Variants in SGCD observed in about 807,000 individuals in gnomAD.
The protein encoded by SGCD is sarcoglycan delta.
In SGCD, 18 loss-of-function variants were observed where a neutral mutation model predicts 36.6. The ratio of observed to expected loss-of-function variants is 0.49; its 90% CI spans 0.34 to 0.73. SGCD has a LOEUF of 0.73. Among genes scored for constraint, SGCD ranks in the 30% least tolerant of loss-of-function variants. SGCD has a pLI of 0.01. For missense variants in SGCD, 387 were observed against 346.7 expected (o/e 1.12, Z -0.92); for synonymous variants, 133 against 130.6 (o/e 1.02, Z -0.12).
At chr5:155,864,418 C>T in the SGCD span, among the ~76,000 whole-genome samples, 1 of 151,874 alleles carries the variant, frequency 6.6e-6, no homozygotes, top group Non-Finnish European at 1.5e-5. Context: ...CAAAGGGTGA[C>T]ATCGGTGGAG....
chr5:156,373,342 A>G (rs1262762442), intron 3 of SGCD, among the ~76,000 whole-genome samples: 1 of 152,196 alleles, frequency 6.6e-6, no homozygotes, highest in Non-Finnish European at 1.5e-5. Flanking sequence ...AGTCAATGCT[A>G]ATTTTAGTTT....
intron 7 of SGCD, among the ~76,000 whole-genome samples, chr5:156,699,837 C>T (rs1295907046): frequency 6.6e-6 from 1 of 152,124 alleles, no homozygotes; most frequent in Non-Finnish European, 1.5e-5. Context: ...TTCAAGTGTA[C>T]TTTGATGGGT....
At chr5:155,741,651 C>T in the SGCD span, among the ~76,000 whole-genome samples, 2,201 of 151,434 alleles carry the variant, frequency 0.015, 231 homozygotes, top group Admixed American at 0.14. Flanking sequence ...CCCATCATGG[C>T]CTGAAGTAGG....
At chr5:156,598,599 TA>T (rs1761035599) in intron 6 of SGCD, among the ~76,000 whole-genome samples, 1 of 151,654 alleles carries the variant, frequency 6.6e-6, no homozygotes, top group African/African-American at 2.4e-5. Context: ...CAAAAATGCC[TA>T]GGGGAAAAAG....
chr5:156,719,575 G>T (rs1024628377), intron 7 of SGCD, among the ~76,000 whole-genome samples: 2 of 151,954 alleles, frequency 1.3e-5, no homozygotes, highest in Admixed American at 6.6e-5. Flanking sequence ...ATTATTTTTC[G>T]AGTGGACATA....
At chr5:156,185,212 C>CTTTTTTTTTTT (rs755578762) in intron 3 of SGCD, among the ~76,000 whole-genome samples, 5 of 113,230 alleles carry the variant, frequency 4.4e-5, no homozygotes, top group Non-Finnish European at 7.2e-5. Flanking sequence ...CTTTAATTTT[C>CTTTTTTTTTTT]TTTTTTTTTT....
intron 6 of SGCD, among the ~76,000 whole-genome samples, chr5:156,599,716 G>A (rs1175838289): frequency 2.6e-5 from 4 of 152,238 alleles, no homozygotes; most frequent in African/African-American, 4.8e-5. Context: ...AATGTAGGTA[G>A]GCTGTAGTCA....
At chr5:156,387,095 A>G (rs1028252156) in intron 3 of SGCD, among the ~76,000 whole-genome samples, 5 of 152,166 alleles carry the variant, frequency 3.3e-5, no homozygotes, top group Admixed American at 2.6e-4. Context: ...GCCTTGGGGA[A>G]TGAGTTTGCC....
chr5:155,975,609 C>CTTTTTTTTTTT lies in SGCD; in HGVS notation c.-282+105212_-282+105222dup, dbSNP rs763067309. ...TGTGTTATTTATTTTTCTTTCTTTC[C>CTTTTTTTTTTT]TTTTTTTTTTTTTTTTTTTTTTTTT... On this transcript the variant is annotated intron_variant, in intron 1 of 9. Transcript: ENST00000517913. 6.8e-4 allele frequency among the ~76,000 whole-genome samples: 19 copies of CTTTTTTTTTTT among 28,026 alleles called. 7 individuals are homozygous for CTTTTTTTTTTT. Among genetic ancestry groups the CTTTTTTTTTTT allele is most frequent in the Admixed American group, 3.6e-3 (6 of 1,688 alleles). The allele number at this position is 28,026 out of a possible 152,430, so 18.4% of individuals were successfully genotyped here. A position where few individuals can be genotyped will look rare whatever the true frequency, so the allele number is the denominator to read the frequency against.
At chr5:155,768,614 T>C in the SGCD span, among the ~76,000 whole-genome samples, 3 of 152,126 alleles carry the variant, frequency 2.0e-5, no homozygotes, top group African/African-American at 7.2e-5. Flanking sequence ...GTGCTGGGGC[T>C]AAATCAGAAA....
At chr5:156,563,017 G>A (rs1230412948) in intron 4 of SGCD, among the ~76,000 whole-genome samples, 1 of 151,876 alleles carries the variant, frequency 6.6e-6, no homozygotes, top group East Asian at 1.9e-4. Flanking sequence ...TGCTCTTGTT[G>A]CCCAGGTTGG....
intron 3 of SGCD, among the ~76,000 whole-genome samples, chr5:156,261,899 A>C (rs1032163140): frequency 2.0e-5 from 3 of 152,238 alleles, no homozygotes; most frequent in Non-Finnish European, 4.4e-5. Flanking sequence ...TAAAAACAAA[A>C]GCTTACAGAG....
At chr5:156,357,194 A>G (rs1274892658) in intron 3 of SGCD, among the ~76,000 whole-genome samples, 1 of 152,136 alleles carries the variant, frequency 6.6e-6, no homozygotes, top group Non-Finnish European at 1.5e-5. Context: ...GAACAATGTT[A>G]AGTGCCTGGC....
chr5:155,889,115 T>C (rs1756069272), intron 1 of SGCD, among the ~76,000 whole-genome samples: 1 of 152,186 alleles, frequency 6.6e-6, no homozygotes, highest in Admixed American at 6.5e-5. Flanking sequence ...AGACTGTGAG[T>C]TCTTGGAGAG....
the SGCD span, among the ~76,000 whole-genome samples, chr5:155,830,326 T>C: frequency 7.0e-6 from 1 of 143,720 alleles, no homozygotes; most frequent in Non-Finnish European, 1.5e-5. Flanking sequence ...TCTTTCTCCG[T>C]GTGTATACAC....
chr5:156,019,604 A>T lies in SGCD; in HGVS notation c.-281-98274A>T, dbSNP rs997522817. Among the ~76,000 whole-genome samples the T allele has an allele frequency of 3.9e-5, 6 of 152,174 alleles. No individual in the cohort carries two copies. The South Asian group carries it at 1.2e-3, about 32-fold the overall frequency. On this transcript the variant is annotated intron_variant, in intron 1 of 9. Transcript: ENST00000517913. ...AGGAATCACTGACTCCATTCATGTG[A>T]CTTATTTCATATGAAAGCAGCATAC...
intron 6 of SGCD, among the ~76,000 whole-genome samples, chr5:156,608,358 G>A (rs550097715): frequency 5.3e-5 from 8 of 152,296 alleles, no homozygotes; most frequent in East Asian, 3.9e-4. Flanking sequence ...GCGGTTTTGA[G>A]TGCGTTTCTT....
intron 1 of SGCD, among the ~76,000 whole-genome samples, chr5:155,923,031 C>T (rs1051523302): frequency 2.6e-4 from 40 of 152,208 alleles, no homozygotes; most frequent in African/African-American, 7.5e-4. Flanking sequence ...GAACACAGTA[C>T]GAGCAGATGA....
intron 1 of SGCD, among the ~76,000 whole-genome samples, chr5:156,020,175 T>C (rs1759068831): frequency 6.6e-6 from 1 of 152,240 alleles, no homozygotes; most frequent in Non-Finnish European, 1.5e-5. Flanking sequence ...ATGTTGCACA[T>C]GTTATTTTAT....
Sources: gnomAD v4.1 joint callset for allele counts (sites outside exome capture counted in the v4.1 genomes callset) on GRCh38, gnomAD v4.1.1 for gene constraint, MANE v1.5 for transcripts, NCBI Gene and HGNC (gene_info 2026-07-23, HGNC 2026-07-21) for gene names.